FAM13A: variants seen among roughly 807,000 people sequenced by gnomAD.
The protein encoded by FAM13A is family with sequence similarity 13 member A.
A neutral mutation model predicts 129.6 loss-of-function variants in FAM13A; 76 were observed. The ratio of observed to expected loss-of-function variants is 0.59; its 90% CI spans 0.49 to 0.71. The LOEUF is 0.71. FAM13A is among the 30% of genes least tolerant of loss of function. The probability of loss-of-function intolerance (pLI) is 0.00; values close to 1 mark genes in which losing one functional copy is unlikely to be tolerated. For missense variants in FAM13A, 1,108 were observed against 1,249.3 expected (o/e 0.89, Z 1.70); for synonymous variants, 443 against 449.9 (o/e 0.98, Z 0.20).
At chr4:88,764,466 A>C (rs1745373036) in intron 13 of FAM13A, among the ~76,000 whole-genome samples, 1 of 152,198 alleles carries the variant, frequency 6.6e-6, no homozygotes, top group Admixed American at 6.5e-5. Flanking sequence ...GAGAAGTATA[A>C]AATATTTTCA....
At chr4:88,746,906 A>G (rs749295912) in intron 19 of FAM13A, 26 bp downstream of exon 19, 2 of 1,481,550 alleles carry the variant, frequency 1.3e-6, no homozygotes, top group South Asian at 2.3e-5. Context: ...ATTGACCCCA[A>G]TCAGAAAATT....
chr4:88,981,642 G>A (rs1428378498), intron 4 of FAM13A, among the ~76,000 whole-genome samples: 1 of 152,154 alleles, frequency 6.6e-6, no homozygotes, highest in Non-Finnish European at 1.5e-5. Context: ...TTTGACAGCA[G>A]GGATACCAGG....
chr4:88,840,228 G>T (rs537489796), intron 7 of FAM13A, among the ~76,000 whole-genome samples: 111 of 152,304 alleles, frequency 7.3e-4, no homozygotes, highest in Non-Finnish European at 1.4e-3. Flanking sequence ...ACAGTAGACT[G>T]ACCTTTGGAT....
intron 5 of FAM13A, among the ~76,000 whole-genome samples, chr4:88,922,163 A>G (rs977953991): frequency 3.3e-5 from 5 of 152,110 alleles, no homozygotes; most frequent in African/African-American, 1.2e-4. Flanking sequence ...GTTAACAAGG[A>G]TACCCAGGAA....
chr4:88,790,694 G>A (rs1489197409), intron 8 of FAM13A, 67 bp from the exon 9 acceptor site: 9 of 1,379,372 alleles, frequency 6.5e-6, no homozygotes, highest in Non-Finnish European at 8.2e-6. Flanking sequence ...CCAAACATGT[G>A]AAGTGGATCG....
intron 14 of FAM13A, chr4:88,753,625 C>A (rs1743072518): frequency 1.1e-6 from 1 of 937,824 alleles, no homozygotes; most frequent in Non-Finnish European, 1.3e-6. Context: ...TTACCTGATT[C>A]TCTCCTTTTT....
chr4:88,954,160 T>A (rs1477607819), intron 4 of FAM13A, among the ~76,000 whole-genome samples: 2 of 152,196 alleles, frequency 1.3e-5, no homozygotes, highest in Non-Finnish European at 2.9e-5. Flanking sequence ...ACCTAATTGG[T>A]CTACACATAA....
At chr4:88,973,318 A>C (rs947523905) in intron 4 of FAM13A, among the ~76,000 whole-genome samples, 1 of 152,092 alleles carries the variant, frequency 6.6e-6, no homozygotes, top group African/African-American at 2.4e-5. Context: ...TACCACAGTA[A>C]TTGGATATTC....
intron 4 of FAM13A, among the ~76,000 whole-genome samples, chr4:88,945,184 A>C (rs1755461737): frequency 6.6e-6 from 1 of 152,180 alleles, no homozygotes; most frequent in Admixed American, 6.5e-5. Context: ...TTTATTATCA[A>C]CTGTAGACTG....
chr4:88,729,062 T>G (rs1408966218), intron 23 of FAM13A: 1 of 121,966 alleles, frequency 8.2e-6, no homozygotes, highest in African/African-American at 4.0e-5. Flanking sequence ...CAACTTAGTT[T>G]TTTTTTTTTT....
At chr4:88,934,816 A>AG (rs1753593645) in intron 5 of FAM13A, among the ~76,000 whole-genome samples, 1 of 152,252 alleles carries the variant, frequency 6.6e-6, no homozygotes, top group Non-Finnish European at 1.5e-5. Context: ...ACTATTTGCC[A>AG]AATTCAACAA....
chr4:88,942,818 A>T (rs552955888), intron 4 of FAM13A, among the ~76,000 whole-genome samples: 7 of 152,256 alleles, frequency 4.6e-5, no homozygotes, highest in African/African-American at 1.7e-4. Context: ...TGAAAAATTG[A>T]GCTTTGATAT....
intron 17 of FAM13A, 72 bp downstream of exon 17, chr4:88,748,880 A>G (rs1192789091): frequency 1.9e-6 from 2 of 1,038,260 alleles, no homozygotes; most frequent in Non-Finnish European, 3.1e-6. Context: ...AGTGGCACTC[A>G]GTGGGAGAGG....
At chr4:88,948,270 T>C (rs923982424) in intron 4 of FAM13A, among the ~76,000 whole-genome samples, 3 of 152,210 alleles carry the variant, frequency 2.0e-5, no homozygotes, top group Non-Finnish European at 4.4e-5. Flanking sequence ...GAAAGCTGTT[T>C]AACTTTAAAC....
At chr4:88,816,989 A>T (rs1730855950) in intron 7 of FAM13A, among the ~76,000 whole-genome samples, 1 of 152,242 alleles carries the variant, frequency 6.6e-6, no homozygotes, top group Admixed American at 6.5e-5. Flanking sequence ...AATGTCCATC[A>T]ACTGATGAAT....
chr4:88,762,573 C>A (rs561240828), intron 13 of FAM13A, among the ~76,000 whole-genome samples: 60 of 152,204 alleles, frequency 3.9e-4, no homozygotes, highest in Non-Finnish European at 6.9e-4. Context: ...CTGCAGACTG[C>A]TGATGGTTTT....
chr4:89,003,502 C>G (rs144642158), intron 3 of FAM13A, among the ~76,000 whole-genome samples: 397 of 151,826 alleles, frequency 2.6e-3, no homozygotes, highest in Non-Finnish European at 3.4e-3. Flanking sequence ...TCCCAGATAC[C>G]TAGGAGGCTG....
chr4:89,055,253 T>C (rs776622581), intron 1 of FAM13A, among the ~76,000 whole-genome samples: 19 of 152,218 alleles, frequency 1.2e-4, no homozygotes, highest in Non-Finnish European at 1.5e-4. Flanking sequence ...CTCCAAAAGC[T>C]ATCTTTTTCC....
chr4:88,909,210 T>A (rs1441903350), intron 5 of FAM13A, among the ~76,000 whole-genome samples: 2 of 152,170 alleles, frequency 1.3e-5, no homozygotes, highest in Non-Finnish European at 2.9e-5. Context: ...CATTAATTGA[T>A]GAATGGATAA....
Sources: gnomAD v4.1 joint callset for allele counts (sites outside exome capture counted in the v4.1 genomes callset) on GRCh38, gnomAD v4.1.1 for gene constraint, MANE v1.5 for transcripts, NCBI Gene and HGNC (gene_info 2026-07-23, HGNC 2026-07-21) for gene names.